The following FBXW12 variants were observed in gnomAD, a reference collection of about 807,000 sequenced individuals.
FBXW12 encodes the protein F-box and WD repeat domain containing 12.
Under a neutral mutation model 55.3 loss-of-function variants are expected in FBXW12, and 43 were observed. That is an observed-to-expected ratio of 0.78 (90% CI 0.61 to 1.00). FBXW12 has a LOEUF of 1.00. Ranked by LOEUF, FBXW12 falls within the 50% of genes least tolerant of loss-of-function variation. The pLI is 0.00. For missense variants in FBXW12, 524 were observed against 560.5 expected (o/e 0.93, Z 0.66); for synonymous variants, 184 against 203.8 (o/e 0.90, Z 0.83).
At chr3:48,384,537 A>G (rs2036818753) in intron 10 of FBXW12, among the ~76,000 whole-genome samples, 1 of 152,074 alleles carries the variant, frequency 6.6e-6, no homozygotes, top group Admixed American at 6.5e-5. Flanking sequence ...CCCTTTTTGC[A>G]TTGGCTATAA....
Position 48,378,535 on chromosome 3 carries a change from G to A in FBXW12, c.615+9G>A, listed in dbSNP as rs764002183. 6.8e-6 allele frequency: 11 copies of A among 1,612,484 alleles called. No homozygotes were observed. The South Asian group carries it at 1.2e-4, about 18-fold the overall frequency. On this transcript the variant is annotated intron_variant, in intron 6 of 10. Coordinates refer to ENST00000296438, the MANE Select transcript of FBXW12 (RefSeq NM_207102.2). ...ATGGCCCATTCCTGATGGTAAGTGA[G>A]CCCTGAATTTAGAGGGGACCAAAAA...
intron 8 of FBXW12, among the ~76,000 whole-genome samples, 174 bp downstream of exon 8, chr3:48,381,086 A>G (rs1232254420): frequency 6.8e-6 from 1 of 147,308 alleles, no homozygotes; most frequent in Non-Finnish European, 1.5e-5. Context: ...GCAGCGGCAC[A>G]ATCTCGGCTC....
chr3:48,381,468 G>T (rs1311504606), intron 8 of FBXW12, among the ~76,000 whole-genome samples: 1 of 152,130 alleles, frequency 6.6e-6, no homozygotes, highest in African/African-American at 2.4e-5. Context: ...ATGCCCAGGG[G>T]ATTGTTTATT....
At chr3:48,390,658 C>T (rs1460703975) in intron 10 of FBXW12, among the ~76,000 whole-genome samples, 1 of 151,964 alleles carries the variant, frequency 6.6e-6, no homozygotes, top group Non-Finnish European at 1.5e-5. Context: ...AAGTGATCCG[C>T]CTGCCTCAGC....
intron 6 of FBXW12, among the ~76,000 whole-genome samples, chr3:48,379,038 C>T (rs1003545844): frequency 6.6e-6 from 1 of 152,188 alleles, no homozygotes; most frequent in African/African-American, 2.4e-5. Flanking sequence ...AGACAAAAAG[C>T]CAAAAACTTC....
intron 10 of FBXW12, among the ~76,000 whole-genome samples, chr3:48,389,181 A>T (rs2106652369): frequency 6.6e-6 from 1 of 152,288 alleles, no homozygotes; most frequent in East Asian, 1.9e-4. Flanking sequence ...GCTTGAGCCC[A>T]GGAGTTCAAG....
At chr3:48,393,760 T>C (rs1319672715) in intron 10 of FBXW12, among the ~76,000 whole-genome samples, 2 of 149,264 alleles carry the variant, frequency 1.3e-5, no homozygotes, top group East Asian at 2.0e-4. Flanking sequence ...CCCATCTCTA[T>C]GAGAAAATAT....
At chr3:48,372,918 C>T in intron 2 of FBXW12, 61 bp downstream of exon 2, 2 of 1,462,702 alleles carry the variant, frequency 1.4e-6, no homozygotes, top group Non-Finnish European at 1.9e-6. Flanking sequence ...CCAGTTTGAG[C>T]ACCACTTTGC....
chr3:48,392,534 GT>G (rs2036944606), intron 10 of FBXW12, among the ~76,000 whole-genome samples: 2 of 151,122 alleles, frequency 1.3e-5, no homozygotes, highest in South Asian at 4.2e-4. Context: ...TTTAAATCTG[GT>G]AATGTGATGC....
intron 4 of FBXW12, among the ~76,000 whole-genome samples, chr3:48,374,969 G>A (rs747284080): frequency 4.0e-5 from 6 of 151,446 alleles, no homozygotes; most frequent in Non-Finnish European, 7.4e-5. Context: ...TAGCATGTTG[G>A]CCAGGCCGGT....
At position 48,381,725 on chromosome 3, in the gene FBXW12, G is replaced by A; in HGVS notation, c.1011G>A (p.Val337=). 6.3e-7 allele frequency: 1 copy of A among 1,588,450 alleles called. No individual in the cohort carries two copies. The highest frequency in any genetic ancestry group is 8.6e-7 in the Non-Finnish European group (1 of 1,167,660). The change falls in exon 9 of 11, where the codon GTG becomes GTA. Residue 337 remains valine (V), a synonymous_variant. Coordinates refer to ENST00000296438, the MANE Select transcript of FBXW12 (RefSeq NM_207102.2). ...CATATGAGATCGCAAGTTTCCAGGT[G>A]GCAGCTCATCTGAAGTGCCCTATCT... ...IQAYEIASFQ[V]AAHLKCPIWM...
At chr3:48,381,211 A>G (rs1325288493) in intron 8 of FBXW12, among the ~76,000 whole-genome samples, 4 of 151,840 alleles carry the variant, frequency 2.6e-5, no homozygotes, top group African/African-American at 9.7e-5. Context: ...TTTAGTAGAG[A>G]CAGGGTTTCA....
At chr3:48,379,354 T>C in intron 6 of FBXW12, 46 bp from the exon 7 acceptor site, 1 of 1,592,608 alleles carries the variant, frequency 6.3e-7, no homozygotes, top group Non-Finnish European at 8.6e-7. Context: ...TACTTCAGGA[T>C]TTCACATATC....
chr3:48,384,863 A>G (rs180835620), intron 10 of FBXW12, among the ~76,000 whole-genome samples: 123 of 152,268 alleles, frequency 8.1e-4, no homozygotes, highest in Admixed American at 3.1e-3. Context: ...GTTTTTAATT[A>G]ACAAATAATT....
chr3:48,392,980 G>A (rs1345011702), intron 10 of FBXW12, among the ~76,000 whole-genome samples: 1 of 147,236 alleles, frequency 6.8e-6, no homozygotes, highest in African/African-American at 2.5e-5. Flanking sequence ...CAGAGGAAGG[G>A]GTACCCTTTT....
At position 48,382,011 on chromosome 3, in the gene FBXW12, A is replaced by G; in HGVS notation, c.1221A>G (p.Glu407=). 6.2e-7 allele frequency: 1 copy of G among 1,614,232 alleles called. No individual in the cohort carries two copies. The highest frequency in any genetic ancestry group is 1.3e-5 in the African/African-American group (1 of 75,052). The change falls in exon 10 of 11, where the codon GAA becomes GAG. Residue 407 remains glutamate (E), a synonymous_variant. Coordinates refer to ENST00000296438, the MANE Select transcript of FBXW12 (RefSeq NM_207102.2). ...ACTCTGTGCACGTGTACATGTGGGA[A>G]GAAGGAGGCCGCCATCCATACCTCA... is the stretch of plus-strand genomic sequence containing the variant. ...SENSVHVYMW[E]EGGRHPYLRS...
intron 8 of FBXW12, 75 bp downstream of exon 8, chr3:48,380,987 G>C: frequency 1.6e-6 from 2 of 1,261,204 alleles, no homozygotes; most frequent in Non-Finnish European, 2.3e-6. Context: ...TCTAATAAAT[G>C]GGTCAGCCTG....
intron 10 of FBXW12, among the ~76,000 whole-genome samples, chr3:48,392,328 G>A (rs998763134): frequency 2.0e-4 from 31 of 151,966 alleles, no homozygotes; most frequent in African/African-American, 7.5e-4. Context: ...GCGGGCATCT[G>A]TAGTCCCAGT....
At chr3:48,390,917 TG>T (rs999486020) in intron 10 of FBXW12, among the ~76,000 whole-genome samples, 3 of 152,030 alleles carry the variant, frequency 2.0e-5, no homozygotes, top group Non-Finnish European at 4.4e-5. Context: ...GAAAACTTAT[TG>T]AAGTTGGTTT....
Sources: allele counts gnomAD v4.1 joint callset (sites outside exome capture counted in the v4.1 genomes callset), GRCh38; gene constraint gnomAD v4.1.1; transcripts MANE v1.5; gene names NCBI Gene and HGNC (gene_info 2026-07-23, HGNC 2026-07-21).